CDH12: variants seen among roughly 807,000 people sequenced by gnomAD.
CDH12 encodes the protein cadherin-12.
CDH12 carries 41 observed loss-of-function variants against 74.1 expected under a neutral mutation model. The ratio of observed to expected loss-of-function variants is 0.55; its 90% CI spans 0.43 to 0.72. CDH12 has a LOEUF of 0.72. Among genes scored for constraint, CDH12 ranks in the 30% least tolerant of loss-of-function variants. The pLI is 0.00. For synonymous variants in CDH12, 399 were observed against 355.0 expected, an observed-to-expected ratio of 1.12 and a Z score of -1.39; for missense variants, 945 against 977.2, an observed-to-expected ratio of 0.97 and a Z score of 0.44.
At chr5:22,463,405 T>G (rs1344045583) in intron 2 of CDH12, among the ~76,000 whole-genome samples, 1 of 152,162 alleles carries the variant, frequency 6.6e-6, no homozygotes, top group Non-Finnish European at 1.5e-5. Context: ...TAAAAATGTT[T>G]TATAATATGG....
At chr5:22,378,497 T>C (rs1741630394) in intron 3 of CDH12, among the ~76,000 whole-genome samples, 2 of 151,872 alleles carry the variant, frequency 1.3e-5, no homozygotes, top group Admixed American at 1.3e-4. Context: ...GTTTGTAGAG[T>C]TGGATGAAAT....
At position 22,343,119 on chromosome 5, in the gene CDH12, T is replaced by G. The variant is rs1364213278; in HGVS notation, c.-333+62138A>C. 4.0e-5 allele frequency among the ~76,000 whole-genome samples: 6 copies of G among 151,546 alleles called. No homozygotes were observed. The East Asian group carries it at 1.2e-3, about 30-fold the overall frequency. On this transcript the variant is annotated intron_variant, in intron 3 of 14. Coordinates refer to ENST00000382254, the MANE Select transcript of CDH12 (RefSeq NM_004061.5). ...AGCTGCCCGCCTCAGCCTCCCAAAG[T>G]GCTGGGATTACAGGCCTAAGCCACC...
At chr5:22,402,733 G>A (rs965338842) in intron 3 of CDH12, among the ~76,000 whole-genome samples, 12 of 152,126 alleles carry the variant, frequency 7.9e-5, no homozygotes, top group African/African-American at 2.9e-4. Flanking sequence ...GAGGGTCAAA[G>A]GTATGGCTGA....
intron 3 of CDH12, among the ~76,000 whole-genome samples, chr5:22,236,674 G>A (rs992329649): frequency 2.0e-5 from 3 of 152,132 alleles, no homozygotes; most frequent in Admixed American, 6.5e-5. Flanking sequence ...TTGAACCCGC[G>A]AGGCAGAGGT....
At chr5:22,805,154 T>C (rs1337107532) in intron 1 of CDH12, among the ~76,000 whole-genome samples, 1 of 152,172 alleles carries the variant, frequency 6.6e-6, no homozygotes, top group African/African-American at 2.4e-5. Flanking sequence ...TCCTTGCATA[T>C]ATATACTGTT....
At chr5:22,207,693 A>G (rs557744816) in intron 4 of CDH12, among the ~76,000 whole-genome samples, 1 of 152,322 alleles carries the variant, frequency 6.6e-6, no homozygotes, top group Admixed American at 6.5e-5. Context: ...CCTAAGTTAC[A>G]TTCTTTTAAG....
intron 3 of CDH12, among the ~76,000 whole-genome samples, chr5:22,243,412 ATAAGT>A (rs1358763297): frequency 6.6e-6 from 1 of 152,156 alleles, no homozygotes. Flanking sequence ...TTATTTTATC[ATAAGT>A]TAGGTGCATG....
chr5:22,767,463 G>A (rs912810336), intron 1 of CDH12, among the ~76,000 whole-genome samples: 1 of 151,900 alleles, frequency 6.6e-6, no homozygotes, highest in African/African-American at 2.4e-5. Context: ...AAAACATGAT[G>A]CAACTATTGA....
At chr5:22,754,153 A>G (rs1327906426) in intron 1 of CDH12, among the ~76,000 whole-genome samples, 1 of 152,240 alleles carries the variant, frequency 6.6e-6, no homozygotes, top group East Asian at 1.9e-4. Flanking sequence ...AACAACGAAC[A>G]TCATATTATG....
chr5:22,831,351 T>TGTGTG lies in CDH12; in HGVS notation c.-523+21706_-523+21707insCACAC, dbSNP rs1554007030. On this transcript the variant is annotated intron_variant, in intron 1 of 14. Coordinates refer to ENST00000382254, the MANE Select transcript of CDH12 (RefSeq NM_004061.5). ...CAAAGGAAGGTAGGGGTTTTGGAGTTTGTGTGTGTGTGTGTGTGTCTGTGT... is the reference window on the plus strand; with the variant it reads ...CAAAGGAAGGTAGGGGTTTTGGAGTTGTGTGTGTGTGTGTGTGTGTGTGTCTGTGT... 7.7e-3 allele frequency among the ~76,000 whole-genome samples: 1,070 copies of TGTGTG among 138,626 alleles called. 10 individuals carry two copies. Among genetic ancestry groups the TGTGTG allele is most frequent in the East Asian group, 0.02 (94 of 4,764 alleles). 90.9% of individuals were successfully genotyped at this position (138,626 alleles called of 152,430 possible).
chr5:22,003,707 T>C (rs1736745375), intron 5 of CDH12, among the ~76,000 whole-genome samples: 1 of 151,162 alleles, frequency 6.6e-6, no homozygotes, highest in East Asian at 2.0e-4. Context: ...AAAAGCACAC[T>C]GGACTGTGAG....
chr5:21,907,051 A>G (rs555380030), intron 6 of CDH12, among the ~76,000 whole-genome samples: 15 of 152,292 alleles, frequency 9.8e-5, no homozygotes, highest in African/African-American at 3.6e-4. Context: ...GTTACAAAAG[A>G]CAGCCTCAGT....
chr5:21,765,638 A>G (rs867879319), intron 11 of CDH12, among the ~76,000 whole-genome samples: 1 of 152,026 alleles, frequency 6.6e-6, no homozygotes, highest in South Asian at 2.1e-4. Context: ...ATGGAAAGCT[A>G]GTATACTTCC....
intron 1 of CDH12, among the ~76,000 whole-genome samples, chr5:22,762,053 T>C (rs1218533356): frequency 6.6e-6 from 1 of 152,034 alleles, no homozygotes. Context: ...AAATTGTATA[T>C]TCAGAGATGT....
chr5:22,034,812 T>C (rs890782114), intron 5 of CDH12, among the ~76,000 whole-genome samples: 1 of 152,168 alleles, frequency 6.6e-6, no homozygotes, highest in Non-Finnish European at 1.5e-5. Flanking sequence ...TAAAACTATA[T>C]GGGAGTCTAG....
chr5:22,520,238 T>C (rs866804876), intron 1 of CDH12, among the ~76,000 whole-genome samples: 6 of 152,282 alleles, frequency 3.9e-5, no homozygotes, highest in Middle Eastern at 3.4e-3. Flanking sequence ...CAATTCATTA[T>C]ATAAAAATTT....
intron 1 of CDH12, among the ~76,000 whole-genome samples, chr5:22,736,656 C>T (rs955756029): frequency 6.6e-6 from 1 of 151,570 alleles, no homozygotes; most frequent in Non-Finnish European, 1.5e-5. Flanking sequence ...AGCATTTTCA[C>T]ATATGTATCA....
chr5:21,904,337 G>A (rs566106462), intron 6 of CDH12, among the ~76,000 whole-genome samples: 260 of 152,276 alleles, frequency 1.7e-3, no homozygotes, highest in African/African-American at 5.8e-3. Context: ...GGAAAAAGGG[G>A]AGAGAACACA....
chr5:22,561,569 T>C (rs1397764342), intron 1 of CDH12, among the ~76,000 whole-genome samples: 1 of 152,142 alleles, frequency 6.6e-6, no homozygotes, highest in Non-Finnish European at 1.5e-5. Context: ...CTGGTGGGGA[T>C]TTCACATTAT....
Sources: allele counts gnomAD v4.1 joint callset (sites outside exome capture counted in the v4.1 genomes callset), GRCh38; gene constraint gnomAD v4.1.1; transcripts MANE v1.5; gene names NCBI Gene and HGNC (gene_info 2026-07-23, HGNC 2026-07-21).